The following SEPTIN9 variants were observed in gnomAD, a reference collection of about 807,000 sequenced individuals.
SEPTIN9 encodes septin 9, also known as septin-9.
SEPTIN9 carries 13 observed loss-of-function variants against 56.6 expected under a neutral mutation model. The observed-to-expected ratio is 0.23, with a 90% CI of 0.15 to 0.37. SEPTIN9 has a LOEUF of 0.37. Among genes scored for constraint, SEPTIN9 ranks in the 10% least tolerant of loss-of-function variants. The pLI is 1.00. For synonymous variants in SEPTIN9, 332 were observed against 334.1 expected, an observed-to-expected ratio of 0.99 and a Z score of 0.07; for missense variants, 650 against 823.1, an observed-to-expected ratio of 0.79 and a Z score of 2.57.
rs1359852450 is a variant in SEPTIN9, at chr17:77,450,548, G to A, written c.722-31596G>A. On this transcript the variant is annotated intron_variant, in intron 3 of 11. Coordinates refer to ENST00000427177, the MANE Select transcript of SEPTIN9 (RefSeq NM_001113491.2). This position sits in a 1 kb window ranked among gnomAD's most constrained non-coding sequence, Gnocchi z 6.0. ...AGTGACTCACTTGGGTTCAGAGGTC[G>A]TGGCACTGAGATGGGTCTGGCAGAT... 4.0e-5 allele frequency: 39 copies of A among 985,390 alleles called. No individual in the cohort carries two copies. The highest frequency in any genetic ancestry group is 4.7e-5 in the Non-Finnish European group (39 of 830,012). 61.0% of individuals were successfully genotyped at this position (985,390 alleles called of 1,614,324 possible).
Position 77,376,235 on chromosome 17 carries a change from G to A in SEPTIN9, c.77-25824G>A, listed in dbSNP as rs113989981. 1.5e-3 allele frequency: 1,511 copies of A among 986,164 alleles called. 22 individuals carry two copies. The African/African-American group carries it at 0.024, about 16-fold the overall frequency. The allele number at this position is 986,164 out of a possible 1,614,324, so 61.1% of individuals were successfully genotyped here. A position where few individuals can be genotyped will look rare whatever the true frequency, so the allele number is the denominator to read the frequency against. On this transcript the variant is annotated intron_variant, in intron 2 of 11. Transcript: ENST00000427177. ...GGGGCATAAGGAGGGGCCTGCCTGT[G>A]AAGATCATATGGGCCAGGCTGCGGA...
chr17:77,349,950 G>T (rs905409152), intron 2 of SEPTIN9, among the ~76,000 whole-genome samples: 5 of 152,178 alleles, frequency 3.3e-5, no homozygotes, highest in Admixed American at 6.5e-5. Flanking sequence ...AAACCTACAG[G>T]CTCAACCTTC....
chr17:77,467,904 T>G (rs1303087501), intron 3 of SEPTIN9, among the ~76,000 whole-genome samples: 1 of 152,060 alleles, frequency 6.6e-6, no homozygotes, highest in Non-Finnish European at 1.5e-5. Context: ...GCTTCGGACG[T>G]GTAAGGTTTT....
rs1555679106 is a variant in SEPTIN9 at position 77,486,519 on chromosome 17, T to TGC, written c.914-904_914-903insCG. Among the ~76,000 whole-genome samples the TGC allele has an allele frequency of 1.6e-3, 176 of 106,794 alleles. 1 individual carries two copies. Among genetic ancestry groups the TGC allele is most frequent in the Middle Eastern group, 7.0e-3 (1 of 142 alleles). The allele number at this position is 106,794 out of a possible 152,430, so 70.1% of individuals were successfully genotyped here. A position where few individuals can be genotyped will look rare whatever the true frequency, so the allele number is the denominator to read the frequency against. The stretch of plus-strand genomic sequence containing the variant: ...GTGTGTGTGTGTGTGTGTGTGTGTG[T>TGC]GTGCGCGCACGCGCGCGCGTGTTAT... On this transcript the variant is annotated intron_variant, in intron 4 of 11. Coordinates refer to ENST00000427177, the MANE Select transcript of SEPTIN9 (RefSeq NM_001113491.2).
chr17:77,333,578 T>G (rs1330958982), intron 2 of SEPTIN9, among the ~76,000 whole-genome samples: 4 of 152,242 alleles, frequency 2.6e-5, no homozygotes, highest in Admixed American at 2.6e-4. Context: ...GTCACTTTAA[T>G]TTTTATGAAG....
chr17:77,330,101 C>A lies in SEPTIN9; in HGVS notation c.76+22904C>A, dbSNP rs1410974595. Among the ~76,000 whole-genome samples the A allele has an allele frequency of 2.6e-5, 4 of 152,268 alleles. No individual in the cohort carries two copies. The highest frequency in any genetic ancestry group is 4.4e-5 in the Non-Finnish European group (3 of 68,038). ...GACACTCCAAGACTAGCCTCCCAGC[C>A]ACTCTCCCTGCCTCCTGCCTCCTCT... On this transcript the variant is annotated intron_variant, in intron 2 of 11. Transcript: ENST00000427177. The surrounding 1 kb of genome is among the most constrained non-coding windows in gnomAD (Gnocchi z 4.4).
chr17:77,331,000 C>T lies in SEPTIN9; in HGVS notation c.76+23803C>T, dbSNP rs558958109. ...GATGCAGTGATGCAGGGCTGTCAGC[C>T]ATGCCAGCAGGCCCTGCTGCTCACA... is the stretch of plus-strand genomic sequence containing the variant. On this transcript the variant is annotated intron_variant, in intron 2 of 11. Transcript: ENST00000427177. This position sits in a 1 kb window ranked among gnomAD's most constrained non-coding sequence, Gnocchi z 4.4. Among the ~76,000 whole-genome samples the T allele has an allele frequency of 2.6e-4, 40 of 152,322 alleles. No homozygotes were observed. The South Asian group carries it at 8.1e-3, about 31-fold the overall frequency.
rs2037911906 is a variant in SEPTIN9 at position 77,450,181 on chromosome 17, C to T, written c.722-31963C>T. Among the ~76,000 whole-genome samples, 2 of 152,140 alleles carry T rather than the reference C, an allele frequency of 1.3e-5. No homozygotes were observed. The highest frequency in any genetic ancestry group is 2.4e-5 in the African/African-American group (1 of 41,430). ...GTTGGCCATGAGGAGTGGGAAGCGA[C>T]GGGTCAGATGCCAGTGACTGCTGGC... On this transcript the variant is annotated intron_variant, in intron 3 of 11. Transcript: ENST00000427177. This position sits in a 1 kb window ranked among gnomAD's most constrained non-coding sequence, Gnocchi z 6.0.
chr17:77,301,438 G>GTGTGTGTT (rs1491014645), intron 1 of SEPTIN9, among the ~76,000 whole-genome samples: 1 of 128,488 alleles, frequency 7.8e-6, no homozygotes, highest in African/African-American at 2.9e-5. Flanking sequence ...GTGTGTGTGT[G>GTGTGTGTT]TTTTGAGAAA....
At chr17:77,416,249 G>C (rs957981528) in intron 3 of SEPTIN9, among the ~76,000 whole-genome samples, 5 of 152,176 alleles carry the variant, frequency 3.3e-5, no homozygotes, top group African/African-American at 1.2e-4. Flanking sequence ...GGTGAATTTG[G>C]CTTTGGACCT....
At chr17:77,430,901 GA>G (rs2037103688) in intron 3 of SEPTIN9, among the ~76,000 whole-genome samples, 3 of 151,870 alleles carry the variant, frequency 2.0e-5, no homozygotes. Flanking sequence ...TGAGGCAGGA[GA>G]ATCTCTTGAA....
chr17:77,303,234 G>A (rs1398111032), intron 1 of SEPTIN9, among the ~76,000 whole-genome samples: 39 of 151,644 alleles, frequency 2.6e-4, no homozygotes. Context: ...CCGAGTAGCT[G>A]GGATTACAGG....
At chr17:77,320,747 T>A (rs2143655489) in intron 2 of SEPTIN9, among the ~76,000 whole-genome samples, 1 of 152,328 alleles carries the variant, frequency 6.6e-6, no homozygotes, top group Admixed American at 6.5e-5. Flanking sequence ...TGTGGTTTGT[T>A]TTTTGCTTCC....
rs535246479 is a variant in SEPTIN9, at chr17:77,389,855, G to A, written c.77-12204G>A. ...AGCAGCTGGTTTAGAACCCGGGGGT[G>A]GGGGGAGCGCTAGACCAGTGCAGCA... On this transcript the variant is annotated intron_variant, in intron 2 of 11. Coordinates refer to ENST00000427177, the MANE Select transcript of SEPTIN9 (RefSeq NM_001113491.2). The surrounding 1 kb of genome is among the most constrained non-coding windows in gnomAD (Gnocchi z 4.3). 6.6e-6 allele frequency among the ~76,000 whole-genome samples: 1 copy of A among 152,212 alleles called. No individual in the cohort carries two copies.
Position 77,429,001 on chromosome 17 carries a change from A to T in SEPTIN9, c.721+26298A>T, listed in dbSNP as rs771955642. 2 of 471,198 alleles carry T rather than the reference A, an allele frequency of 4.2e-6. No individual in the cohort carries two copies. The highest frequency in any genetic ancestry group is 8.8e-6 in the Non-Finnish European group (2 of 227,076). 29.2% of individuals were successfully genotyped at this position (471,198 alleles called of 1,614,324 possible). A position where few individuals can be genotyped will look rare whatever the true frequency, so the allele number is the denominator to read the frequency against. On this transcript the variant is annotated intron_variant, in intron 3 of 11. Transcript: ENST00000427177. This position sits in a 1 kb window ranked among gnomAD's most constrained non-coding sequence, Gnocchi z 5.2. The stretch of plus-strand genomic sequence containing the variant: ...TGTATAATAAGTGGTAAGCCGTCAG[A>T]GGAGGCAGCCGGTGAGAATGGGAGC...
intron 2 of SEPTIN9, among the ~76,000 whole-genome samples, chr17:77,341,526 G>C (rs1431203706): frequency 2.0e-5 from 3 of 152,256 alleles, no homozygotes; most frequent in Non-Finnish European, 4.4e-5. Flanking sequence ...TGTAATCCCA[G>C]CACTTTGGGA....
chr17:77,360,799 C>T (rs548754148), intron 2 of SEPTIN9, among the ~76,000 whole-genome samples: 5 of 152,136 alleles, frequency 3.3e-5, no homozygotes, highest in African/African-American at 9.6e-5. Flanking sequence ...CTCCTGACCT[C>T]GCAATCTGCC....
chr17:77,420,986 A>G (rs1377590405), intron 3 of SEPTIN9, among the ~76,000 whole-genome samples: 3 of 152,164 alleles, frequency 2.0e-5, no homozygotes, highest in African/African-American at 4.8e-5. Flanking sequence ...CCCCACAGTT[A>G]AGTGTCTGGA....
In SEPTIN9 at chr17:77,400,084, C is replaced by T. The variant is rs2035851279; in HGVS notation, c.77-1975C>T. On this transcript the variant is annotated intron_variant, in intron 2 of 11. Coordinates refer to ENST00000427177, the MANE Select transcript of SEPTIN9 (RefSeq NM_001113491.2). The surrounding 1 kb of genome is among the most constrained non-coding windows in gnomAD (Gnocchi z 4.1). Reference sequence around the variant, plus strand: ...CTCTGCCTCCCGGGTTCAAGCGATTCTCCTGCCTCAGCCTCCTGAGTAGCT... The same window carrying T: ...CTCTGCCTCCCGGGTTCAAGCGATTTTCCTGCCTCAGCCTCCTGAGTAGCT... Among the ~76,000 whole-genome samples, 1 of 152,184 alleles carries T rather than the reference C, an allele frequency of 6.6e-6. No homozygotes were observed. The highest frequency in any genetic ancestry group is 2.4e-5 in the African/African-American group (1 of 41,424).
Sources: gnomAD v4.1 joint callset for allele counts (sites outside exome capture counted in the v4.1 genomes callset) on GRCh38, gnomAD v4.1.1 for gene constraint, Gnocchi (gnomAD v3.1) non-coding constraint, MANE v1.5 for transcripts, NCBI Gene and HGNC (gene_info 2026-07-23, HGNC 2026-07-21) for gene names.